SCAPER: variants seen among roughly 807,000 people sequenced by gnomAD.
The protein encoded by SCAPER is S-phase cyclin A associated protein in the ER.
In SCAPER, 98 loss-of-function variants were observed where a neutral mutation model predicts 182.2. That is an observed-to-expected ratio of 0.54 (90% confidence interval 0.46 to 0.64). The LOEUF is 0.64. SCAPER is among the 30% of genes least tolerant of loss of function. SCAPER has a pLI of 0.00. For synonymous variants in SCAPER, 605 were observed against 564.6 expected, an observed-to-expected ratio of 1.07 and a Z score of -1.01; for missense variants, 1,432 against 1,690.0, an observed-to-expected ratio of 0.85 and a Z score of 2.68.
intron 22 of SCAPER, among the ~76,000 whole-genome samples, chr15:76,575,451 C>T (rs1451524634): frequency 1.3e-5 from 2 of 152,182 alleles, no homozygotes; most frequent in Non-Finnish European, 2.9e-5. Context: ...GTTATTGGAA[C>T]AAGAAAATTT....
intron 17 of SCAPER, among the ~76,000 whole-genome samples, chr15:76,720,588 C>G (rs1226063949): frequency 6.6e-6 from 1 of 152,112 alleles, no homozygotes; most frequent in Non-Finnish European, 1.5e-5. Context: ...TCTCCAGCAC[C>G]TGCTGTTTCC....
intron 26 of SCAPER, among the ~76,000 whole-genome samples, chr15:76,419,346 A>G (rs956870296): frequency 6.0e-5 from 9 of 150,030 alleles, no homozygotes; most frequent in Middle Eastern, 3.5e-3. Context: ...AAAAAAAAAA[A>G]AAAAGAAAAG....
At chr15:76,476,729 T>C (rs1196130631) in intron 24 of SCAPER, among the ~76,000 whole-genome samples, 2 of 151,746 alleles carry the variant, frequency 1.3e-5, no homozygotes, top group African/African-American at 2.4e-5. Context: ...TTATAGGCGT[T>C]AGCCAACACA....
chr15:76,750,313 GA>G (rs2062015853), intron 15 of SCAPER, among the ~76,000 whole-genome samples: 1 of 151,740 alleles, frequency 6.6e-6, no homozygotes, highest in South Asian at 2.1e-4. Context: ...AATCTCCTAA[GA>G]AAATCCCTGG....
At chr15:76,763,161 T>C (rs866789603) in intron 14 of SCAPER, among the ~76,000 whole-genome samples, 2 of 152,334 alleles carry the variant, frequency 1.3e-5, no homozygotes, top group South Asian at 2.1e-4. Context: ...GATGACAAAC[T>C]CCCTCAATTT....
intron 20 of SCAPER, among the ~76,000 whole-genome samples, chr15:76,668,822 TAA>T (rs1259755382): frequency 6.6e-6 from 1 of 152,136 alleles, no homozygotes; most frequent in African/African-American, 2.4e-5. Context: ...GTTAGATAAA[TAA>T]AAAGAGAGTC....
At position 76,811,568 on chromosome 15, in the gene SCAPER, A is replaced by G. The variant is rs543803061; in HGVS notation, c.394-6935T>C. Among the ~76,000 whole-genome samples, 5 of 152,330 alleles carry G rather than the reference A, an allele frequency of 3.3e-5. No homozygotes were observed. The East Asian group carries it at 9.6e-4, about 29-fold the overall frequency. ...CAGTTTGGGAGGCCAAGGCTGGTGG[A>G]TCACCTGAAGTCGGGAGTTCAAGAC... is the stretch of plus-strand genomic sequence containing the variant. On this transcript the variant is annotated intron_variant, in intron 5 of 31. Coordinates refer to ENST00000563290, the MANE Select transcript of SCAPER (RefSeq NM_020843.4).
At chr15:76,582,104 C>G (rs2048312984) in intron 22 of SCAPER, among the ~76,000 whole-genome samples, 1 of 152,106 alleles carries the variant, frequency 6.6e-6, no homozygotes, top group Non-Finnish European at 1.5e-5. Context: ...GAAGTCCTAC[C>G]TAGACCAATT....
rs60959582 is a variant in SCAPER at position 76,568,190 on chromosome 15, C to CATATAT, written c.2838+5962_2838+5967dup. Among the ~76,000 whole-genome samples the CATATAT allele has an allele frequency of 3.9e-3, 546 of 138,634 alleles. 8 individuals are homozygous for CATATAT. Among genetic ancestry groups the CATATAT allele is most frequent in the African/African-American group, 0.015 (509 of 33,286 alleles). The allele number at this position is 138,634 out of a possible 152,430, so 90.9% of individuals were successfully genotyped here. A position where few individuals can be genotyped will look rare whatever the true frequency, so the allele number is the denominator to read the frequency against. On this transcript the variant is annotated intron_variant, in intron 23 of 31. Transcript: ENST00000563290. ...AGTACCTCACATGTCATGGATCAAG[C>CATATAT]ATATATATATATATATATATATATA...
chr15:76,530,725 A>G (rs1049801404), intron 23 of SCAPER, among the ~76,000 whole-genome samples: 1 of 152,132 alleles, frequency 6.6e-6, no homozygotes, highest in Non-Finnish European at 1.5e-5. Flanking sequence ...TATCACCATC[A>G]TATATTAATT....
chr15:76,615,819 CAA>C lies in SCAPER; in HGVS notation c.2711+5943_2711+5944del, dbSNP rs61031189. Among the ~76,000 whole-genome samples, 381 of 82,370 alleles carry C rather than the reference CAA, an allele frequency of 4.6e-3. 1 individual carries two copies. Among genetic ancestry groups the C allele is most frequent in the African/African-American group, 0.013 (345 of 25,978 alleles). The allele number at this position is 82,370 out of a possible 152,430, so 54.0% of individuals were successfully genotyped here. On this transcript the variant is annotated intron_variant, in intron 22 of 31. Coordinates refer to ENST00000563290, the MANE Select transcript of SCAPER (RefSeq NM_020843.4). ...TGGGTAACAGAGCGAGATTCCATCT[CAA>C]AAAAAAAAAAAAAAAGAATATACAA...
chr15:76,572,248 G>A (rs572029703), intron 23 of SCAPER, among the ~76,000 whole-genome samples: 3 of 152,220 alleles, frequency 2.0e-5, no homozygotes, highest in Middle Eastern at 3.4e-3. Flanking sequence ...GATAAGATAC[G>A]TGTAGCAGTG....
intron 14 of SCAPER, among the ~76,000 whole-genome samples, chr15:76,764,253 A>G (rs1256189932): frequency 1.3e-5 from 2 of 152,256 alleles, no homozygotes; most frequent in African/African-American, 4.8e-5. Context: ...GTGGCAGCTC[A>G]GGGAGCTAGA....
At chr15:76,623,420 G>A (rs553157243) in intron 21 of SCAPER, among the ~76,000 whole-genome samples, 5 of 152,170 alleles carry the variant, frequency 3.3e-5, no homozygotes, top group Non-Finnish European at 7.4e-5. Flanking sequence ...GTTAACTTTT[G>A]TATATGATGA....
chr15:76,368,424 G>T (rs1214370502), intron 29 of SCAPER, among the ~76,000 whole-genome samples: 1 of 152,162 alleles, frequency 6.6e-6, no homozygotes, highest in African/African-American at 2.4e-5. Context: ...ATTCATTTTC[G>T]GAATTTGTAG....
rs117126599 is a variant in SCAPER, at chr15:76,408,850, T to C, written c.3312-4171A>G. Reference sequence around the variant, plus strand: ...GTGATCACACAAAACTTCAAAACCATGTAGTCTCAAGATGAAAATGGCTTA... The same window carrying C: ...GTGATCACACAAAACTTCAAAACCACGTAGTCTCAAGATGAAAATGGCTTA... On this transcript the variant is annotated intron_variant, in intron 26 of 31. Transcript: ENST00000563290. 6.6e-3 allele frequency among the ~76,000 whole-genome samples: 1,008 copies of C among 152,234 alleles called. 5 individuals are homozygous for C. The highest frequency in any genetic ancestry group is 0.012 in the Non-Finnish European group (798 of 68,028).
chr15:76,717,609 T>C (rs896330085), intron 17 of SCAPER, among the ~76,000 whole-genome samples: 1 of 152,148 alleles, frequency 6.6e-6, no homozygotes, highest in Non-Finnish European at 1.5e-5. Flanking sequence ...TGATAACAAC[T>C]TAACAGTTGT....
At chr15:76,684,563 G>C (rs547487583) in intron 20 of SCAPER, among the ~76,000 whole-genome samples, 3 of 151,414 alleles carry the variant, frequency 2.0e-5, no homozygotes, top group South Asian at 4.2e-4. Context: ...AAAAATAAAA[G>C]GATACTCAAA....
At chr15:76,569,384 C>G (rs1028245093) in intron 23 of SCAPER, among the ~76,000 whole-genome samples, 1 of 152,018 alleles carries the variant, frequency 6.6e-6, no homozygotes, top group African/African-American at 2.4e-5. Flanking sequence ...TTGAATAAAT[C>G]CAACTTTGTT....
Sources: gnomAD v4.1 joint callset for allele counts (sites outside exome capture counted in the v4.1 genomes callset) on GRCh38, gnomAD v4.1.1 for gene constraint, MANE v1.5 for transcripts, NCBI Gene and HGNC (gene_info 2026-07-23, HGNC 2026-07-21) for gene names.